SPATA31A6: variants seen among roughly 807,000 people sequenced by gnomAD.
The protein encoded by SPATA31A6 is spermatogenesis-associated protein 31A6.
SPATA31A6 carries 9 observed loss-of-function variants against 11.9 expected under a neutral mutation model. That is an observed-to-expected ratio of 0.76 (90% CI 0.46 to 1.32). SPATA31A6 has a LOEUF of 1.32. Ranked by LOEUF, SPATA31A6 falls within the 40% of genes most tolerant of loss-of-function variation. The pLI is 0.00. For synonymous variants in SPATA31A6, 314 were observed against 572.1 expected (o/e 0.55, Z 6.44); for missense variants, 855 against 1,467.3 (o/e 0.58, Z 6.82).
Position 42,187,578 on chromosome 9 carries a change from T to A in SPATA31A6, c.1876T>A (p.Ser626Thr), listed in dbSNP as rs543110626. Reference sequence around the variant, plus strand: ...GGATCTGATGCAGCTTCGGGACGAATCACCAGGGACAAGTCAGGCCAAGGG... The same window carrying A: ...GGATCTGATGCAGCTTCGGGACGAAACACCAGGGACAAGTCAGGCCAAGGG... ...SLDLMQLRDE[S>T]PGTSQAKGKP... The change falls in exon 4 of 4, where the codon TCA (serine) becomes ACA (threonine). Residue 626 changes from serine (S) to threonine (T), a missense_variant. Coordinates refer to ENST00000332857, the MANE Select transcript of SPATA31A6 (RefSeq NM_001145196.1). 228 of 1,271,346 alleles carry A rather than the reference T, an allele frequency of 1.8e-4. 58 individuals carry two copies. In the South Asian group the frequency reaches 2.7e-3, roughly 15 times the overall value. The allele number at this position is 1,271,346 out of a possible 1,614,324, so 78.8% of individuals were successfully genotyped here.
At position 42,183,796 on chromosome 9, in the gene SPATA31A6, G is replaced by A. The variant is rs1317544456; in HGVS notation, c.109G>A (p.Gly37Arg). 6.5e-6 allele frequency: 10 copies of A among 1,534,688 alleles called. 3 individuals carry two copies. Among genetic ancestry groups the A allele is most frequent in the East Asian group, 4.8e-5 (2 of 41,708 alleles). ...CTTCCTCACCTTGGTGTTTGCCCTG[G>A]GGTTCTTCTTCCTATTACTCCCCTA... is the stretch of plus-strand genomic sequence containing the variant. Reference protein sequence around the residue: ...DIFLTLVFALGFFFLLLPYLS... With the variant: ...DIFLTLVFALRFFFLLLPYLS... The change falls in exon 1 of 4, where the codon GGG (glycine) becomes AGG (arginine). Residue 37 changes from glycine (G) to arginine (R), a missense_variant. Physicochemically the swap from Gly to Arg is moderately radical, Grantham distance 125. Coordinates refer to ENST00000332857, the MANE Select transcript of SPATA31A6 (RefSeq NM_001145196.1).
chr9:42,184,830 C>A lies in SPATA31A6; in HGVS notation c.190-239C>A, dbSNP rs1166676028. Among the ~76,000 whole-genome samples the A allele has an allele frequency of 1.5e-5, 2 of 137,652 alleles. 1 individual carries two copies. Among genetic ancestry groups the A allele is most frequent in the African/African-American group, 5.9e-5 (2 of 34,030 alleles). 90.3% of individuals were successfully genotyped at this position (137,652 alleles called of 152,430 possible). ...GGCGTGAGCCACCACGCCCAGCCCC[C>A]TCTTGCTGTTTTTCTAAGAAGAAAA... On this transcript the variant is annotated intron_variant, in intron 1 of 3. Transcript: ENST00000332857.
rs770822592 is a variant in SPATA31A6 at position 42,186,836 on chromosome 9, C to A, written c.1134C>A (p.Asn378Lys). 1 of 1,535,264 alleles carries A rather than the reference C, an allele frequency of 6.5e-7. No individual in the cohort carries two copies. Among genetic ancestry groups the A allele is most frequent in the South Asian group, 1.1e-5 (1 of 87,498 alleles). The change falls in exon 4 of 4, where the codon AAC becomes AAA. Residue 378 changes from asparagine to lysine, a missense_variant. Coordinates refer to ENST00000332857, the MANE Select transcript of SPATA31A6 (RefSeq NM_001145196.1). ...KSLDAEQDTTNPKPFWNMGEN... is the reference protein window; with the variant it reads ...KSLDAEQDTTKPKPFWNMGEN... ...TGGATGCTGAGCAGGACACCACAAA[C>A]CCAAAACCCTTCTGGAACATGGGAG...
chr9:42,185,303 G>A (rs1368482953), intron 2 of SPATA31A6, 177 bp downstream of exon 2: 9 of 889,594 alleles, frequency 1.0e-5, no homozygotes, highest in African/African-American at 1.0e-4. Context: ...CAGGGACTGG[G>A]CGTTACCCAG....
intron 3 of SPATA31A6, 113 bp downstream of exon 3, chr9:42,185,868 G>A (rs1333271887): frequency 2.2e-6 from 3 of 1,388,342 alleles, no homozygotes; most frequent in African/African-American, 1.8e-5. Flanking sequence ...ACAGAGGATG[G>A]GAGTAAAACC....
At position 42,185,164 on chromosome 9, in the gene SPATA31A6, C is replaced by T. The variant is rs753307688; in HGVS notation, c.247+38C>T. Reference sequence around the variant, plus strand: ...CAGAGCACACTAGAGTTAATTTGATCTCATCTGTCCCGGAGGGAACTGACT... The same window carrying T: ...CAGAGCACACTAGAGTTAATTTGATTTCATCTGTCCCGGAGGGAACTGACT... On this transcript the variant is annotated intron_variant, in intron 2 of 3. Transcript: ENST00000332857. 1.4e-5 allele frequency: 21 copies of T among 1,539,934 alleles called. 1 individual carries two copies. Among genetic ancestry groups the T allele is most frequent in the Admixed American group, 3.5e-5 (2 of 57,414 alleles).
In SPATA31A6 at chr9:42,186,979, C is replaced by T. The variant is rs1457562417; in HGVS notation, c.1277C>T (p.Ser426Phe). The change falls in exon 4 of 4, where the codon TCC becomes TTC. Residue 426 changes from serine to phenylalanine, a missense_variant. Physicochemically the swap from Ser to Phe is radical, Grantham distance 155 (BLOSUM62 -2). Coordinates refer to ENST00000332857, the MANE Select transcript of SPATA31A6 (RefSeq NM_001145196.1). ...FWGLPSLHSE[S>F]LVANAWVTDR... is the part of the protein sequence containing the mutation. ...GGCCTCCCCTCTCTGCACAGCGAGT[C>T]CCTGGTGGCTAACGCCTGGGTAACT... The T allele has an allele frequency of 6.5e-7, 1 of 1,545,278 alleles. No individual in the cohort carries two copies. The highest frequency in any genetic ancestry group is 8.8e-7 in the Non-Finnish European group (1 of 1,142,048).
At position 42,189,323 on chromosome 9, in the gene SPATA31A6, G is replaced by A. The variant is rs200378007; in HGVS notation, c.3621G>A (p.Thr1207=). Reference sequence around the variant, plus strand: ...GTGCTGAAGCTCAGGGTCTCATGACGGCAGTTGGACAAATGCTGGACAAGA... The same window carrying A: ...GTGCTGAAGCTCAGGGTCTCATGACAGCAGTTGGACAAATGCTGGACAAGA... ...SSSAEAQGLM[T]AVGQMLDKKM... is the part of the protein sequence containing the mutation. The change falls in exon 4 of 4, where the codon ACG becomes ACA. Residue 1207 remains threonine, a synonymous_variant. Coordinates refer to ENST00000332857, the MANE Select transcript of SPATA31A6 (RefSeq NM_001145196.1). 3,203 of 1,546,368 alleles carry A rather than the reference G, an allele frequency of 2.1e-3. 475 individuals carry two copies. The highest frequency in any genetic ancestry group is 2.4e-3 in the Non-Finnish European group (2,724 of 1,138,838).
In SPATA31A6 at chr9:42,185,095, C is replaced by A. The variant is rs763032603; in HGVS notation, c.216C>A (p.Pro72=). ...RKCPVGRRRR[P]RGRMKNHSLR... ...GTCCAGTAGGGCGGAGGCGGAGGCC[C>A]AGAGGCAGGATGAAAAACCACAGTC... is the stretch of plus-strand genomic sequence containing the variant. The change falls in exon 2 of 4, where the codon CCC becomes CCA. Residue 72 remains proline, a synonymous_variant. Coordinates refer to ENST00000332857, the MANE Select transcript of SPATA31A6 (RefSeq NM_001145196.1). 1.3e-6 allele frequency: 2 copies of A among 1,542,032 alleles called. No individual in the cohort carries two copies. Among genetic ancestry groups the A allele is most frequent in the Non-Finnish European group, 1.8e-6 (2 of 1,138,052 alleles).
Position 42,187,034 on chromosome 9 carries a change from T to G in SPATA31A6, c.1332T>G (p.Pro444=), listed in dbSNP as rs1444472564. 6.5e-7 allele frequency: 1 copy of G among 1,547,110 alleles called. No individual in the cohort carries two copies. The highest frequency in any genetic ancestry group is 1.5e-5 in the African/African-American group (1 of 65,144). ...TDRSYTLQSP[P]FLFNEMSNVC... is the part of the protein sequence containing the mutation. ...GGTCTTATACTTTACAGTCTCCTCC[T>G]TTCTTGTTCAATGAAATGTCCAATG... The change falls in exon 4 of 4, where the codon CCT becomes CCG. Residue 444 remains proline (P), a synonymous_variant. Coordinates refer to ENST00000332857, the MANE Select transcript of SPATA31A6 (RefSeq NM_001145196.1).
In SPATA31A6 at chr9:42,184,290, C is replaced by T. The variant is rs1033097436; in HGVS notation, c.189+414C>T. On this transcript the variant is annotated intron_variant, in intron 1 of 3. Coordinates refer to ENST00000332857, the MANE Select transcript of SPATA31A6 (RefSeq NM_001145196.1). ...CTGTGCTGGGCCCCCGAGGGCCTCC[C>T]ACCAGGGCCTGGTGTCTCCTCTGGT... Among the ~76,000 whole-genome samples, 15 of 130,118 alleles carry T rather than the reference C, an allele frequency of 1.2e-4. 1 individual carries two copies. The highest frequency in any genetic ancestry group is 4.1e-4 in the African/African-American group (13 of 32,072). 85.4% of individuals were successfully genotyped at this position (130,118 alleles called of 152,430 possible).
rs368369739 is a variant in SPATA31A6, at chr9:42,189,380, G to T, written c.3678G>T (p.Ser1226=). ...KMSLCHAHHA[S]KVNQHKQKFQ... is the part of the protein sequence containing the mutation. ...CACTTTGCCATGCGCACCATGCCTC[G>T]AAGGTAAATCAGCACAAACAGAAGT... Residue 1226 remains serine, a synonymous_variant, in exon 4 of 4, where the codon TCG becomes TCT. Transcript: ENST00000332857. 1 of 1,543,808 alleles carries T rather than the reference G, an allele frequency of 6.5e-7. No homozygotes were observed. Among genetic ancestry groups the T allele is most frequent in the South Asian group, 1.2e-5 (1 of 86,300 alleles).
In SPATA31A6 at chr9:42,183,739, G is replaced by T; in HGVS notation, c.52G>T (p.Ala18Ser). 5 of 1,534,262 alleles carry T rather than the reference G, an allele frequency of 3.3e-6. 1 individual carries two copies. In the African/African-American group the frequency reaches 4.9e-5, roughly 15 times the overall value. The change falls in exon 1 of 4, where the codon GCC becomes TCC. Residue 18 changes from alanine to serine, a missense_variant. By Grantham distance (99) the Ala-to-Ser change is moderately conservative. Transcript: ENST00000332857. ...LKLLSASSLN[A>S]PSSTPWVLDI... ...ATTACTTAGTGCCTCATCGCTAAAC[G>T]CCCCCAGCTCCACACCATGGGTGTT...
Position 42,183,797 on chromosome 9 carries a change from G to T in SPATA31A6, c.110G>T (p.Gly37Val), listed in dbSNP as rs543743372. ...TTCCTCACCTTGGTGTTTGCCCTGG[G>T]GTTCTTCTTCCTATTACTCCCCTAC... ...DIFLTLVFALGFFFLLLPYLS... is the reference protein window; with the variant it reads ...DIFLTLVFALVFFFLLLPYLS... The change falls in exon 1 of 4, where the codon GGG (glycine) becomes GTG (valine). Residue 37 changes from glycine (G) to valine (V), a missense_variant. By Grantham distance (109) the Gly-to-Val change is moderately radical. Coordinates refer to ENST00000332857, the MANE Select transcript of SPATA31A6 (RefSeq NM_001145196.1). 1.1e-4 allele frequency: 176 copies of T among 1,534,886 alleles called. 37 individuals carry two copies. Among genetic ancestry groups the T allele is most frequent in the South Asian group, 1.1e-3 (92 of 86,710 alleles).
chr9:42,187,133 C>T lies in SPATA31A6; in HGVS notation c.1431C>T (p.Pro477=), dbSNP rs1378938698. The T allele has an allele frequency of 1.0e-5, 16 of 1,541,826 alleles. 2 individuals carry two copies. Among genetic ancestry groups the T allele is most frequent in the Non-Finnish European group, 1.4e-5 (16 of 1,137,584 alleles). The stretch of plus-strand genomic sequence containing the variant: ...CCCAGCCCCTGTCCCACCGCCAACC[C>T]TTTATTTCATCCACACCCCAATTCC... ...FQAQPLSHRQ[P]FISSTPQFLP... The change falls in exon 4 of 4, where the codon CCC becomes CCT. Residue 477 remains proline, a synonymous_variant. Coordinates refer to ENST00000332857, the MANE Select transcript of SPATA31A6 (RefSeq NM_001145196.1).
chr9:42,183,662 T>G lies in SPATA31A6; in HGVS notation c.-26T>G. ...TCCACGGGGATGCCCAGAGCTCAGT[T>G]GCTTGAAAGCAACGTGCCTATTCAC... On this transcript the variant is annotated 5_prime_UTR_variant, in exon 1 of 4. Coordinates refer to ENST00000332857, the MANE Select transcript of SPATA31A6 (RefSeq NM_001145196.1). 9 of 1,526,134 alleles carry G rather than the reference T, an allele frequency of 5.9e-6. No homozygotes were observed. Among genetic ancestry groups the G allele is most frequent in the Non-Finnish European group, 7.9e-6 (9 of 1,134,380 alleles). The allele number at this position is 1,526,134 out of a possible 1,614,324, so 94.5% of individuals were successfully genotyped here.
chr9:42,184,621 C>A (rs1333054116), intron 1 of SPATA31A6, among the ~76,000 whole-genome samples: 1 of 135,598 alleles, frequency 7.4e-6, no homozygotes, highest in Non-Finnish European at 1.6e-5. Flanking sequence ...CCTCTGCTTC[C>A]CGAGTTCAAG....
chr9:42,184,455 G>A (rs1829404484), intron 1 of SPATA31A6, among the ~76,000 whole-genome samples: 1 of 133,472 alleles, frequency 7.5e-6, no homozygotes, highest in South Asian at 2.4e-4. Context: ...GTGTGTGTGT[G>A]TGTGTGTGTG....
chr9:42,187,195 A>G lies in SPATA31A6; in HGVS notation c.1493A>G (p.His498Arg), dbSNP rs1829474755. 1 of 1,543,296 alleles carries G rather than the reference A, an allele frequency of 6.5e-7. No individual in the cohort carries two copies. Among genetic ancestry groups the G allele is most frequent in the Non-Finnish European group, 8.8e-7 (1 of 1,138,126 alleles). Residue 498 changes from histidine (H) to arginine (R), a missense_variant, in exon 4 of 4, where the codon CAT becomes CGT. Physicochemically the swap from His to Arg is conservative, Grantham distance 29. Coordinates refer to ENST00000332857, the MANE Select transcript of SPATA31A6 (RefSeq NM_001145196.1). Reference sequence around the variant, plus strand: ...ATGGCTCAGGCCGAGGCTCAGGCCCATCTTCAGTCTTCTTTCCCAGTCCTA... The same window carrying G: ...ATGGCTCAGGCCGAGGCTCAGGCCCGTCTTCAGTCTTCTTTCCCAGTCCTA... ...TPMAQAEAQA[H>R]LQSSFPVLSP...
Sources: allele counts gnomAD v4.1 joint callset (sites outside exome capture counted in the v4.1 genomes callset), GRCh38; gene constraint gnomAD v4.1.1; transcripts MANE v1.5; gene names NCBI Gene and HGNC (gene_info 2026-07-23, HGNC 2026-07-21).